Variants in PIN1 observed in about 807,000 individuals in gnomAD.
The protein encoded by PIN1 is peptidylprolyl cis/trans isomerase, NIMA-interacting 1.
In PIN1, 8 loss-of-function variants were observed where a neutral mutation model predicts 19.9. That is an observed-to-expected ratio of 0.40 (90% CI 0.24 to 0.72). The LOEUF is 0.72. Ranked by LOEUF, PIN1 falls within the 30% of genes least tolerant of loss-of-function variation. The probability of loss-of-function intolerance (pLI) is 0.37; values close to 1 mark genes in which losing one functional copy is unlikely to be tolerated. For missense variants in PIN1, 185 were observed against 226.5 expected, an observed-to-expected ratio of 0.82 and a Z score of 1.18; for synonymous variants, 86 against 90.8, an observed-to-expected ratio of 0.95 and a Z score of 0.30.
chr19:9,836,903 A>G, intron 1 of PIN1: 1 of 1,228,186 alleles, frequency 8.1e-7, no homozygotes, highest in Middle Eastern at 3.4e-4. Flanking sequence ...CCATCTATAC[A>G]ATAGAGATAA....
chr19:9,835,685 G>A (rs1016580947), intron 1 of PIN1: 1 of 447,572 alleles, frequency 2.2e-6, no homozygotes. Flanking sequence ...ATACCTCTCG[G>A]CCTAATGCAC....
intron 2 of PIN1, among the ~76,000 whole-genome samples, chr19:9,840,682 A>G (rs1297368807): frequency 6.6e-6 from 1 of 152,092 alleles, no homozygotes; most frequent in Non-Finnish European, 1.5e-5. Context: ...TGCAGCCTCA[A>G]CCTCCTTGGG....
chr19:9,842,205 A>T (rs930091706), intron 2 of PIN1, among the ~76,000 whole-genome samples: 1 of 152,082 alleles, frequency 6.6e-6, no homozygotes, highest in Non-Finnish European at 1.5e-5. Context: ...GAGGGAGCAG[A>T]CCCGAGAGAG....
Position 9,835,350 on chromosome 19 carries a change from G to A in PIN1, c.6G>A (p.Ala2=), listed in dbSNP as rs1458561956. The A allele has an allele frequency of 6.6e-7, 1 of 1,524,386 alleles. No homozygotes were observed. The highest frequency in any genetic ancestry group is 1.2e-5 in the South Asian group (1 of 82,628). The allele number at this position is 1,524,386 out of a possible 1,614,324, so 94.4% of individuals were successfully genotyped here. ...GCGCTGCGGCAGGAGGGAAGATGGC[G>A]GACGAGGAGAAGCTGCCGCCCGGCT... The part of the protein sequence containing the change: M[A]DEEKLPPGWE... The change falls in exon 1 of 4, where the codon GCG becomes GCA. Residue 2 remains alanine (A), a synonymous_variant. Coordinates refer to ENST00000247970, the MANE Select transcript of PIN1 (RefSeq NM_006221.4).
chr19:9,837,871 T>G (rs1349817323), intron 1 of PIN1: 1 of 161,456 alleles, frequency 6.2e-6, no homozygotes, highest in Non-Finnish European at 1.4e-5. Flanking sequence ...TGACCTCAGG[T>G]GATCCACCCC....
chr19:9,837,955 T>A (rs535599507), intron 1 of PIN1: 1 of 194,968 alleles, frequency 5.1e-6, no homozygotes, highest in South Asian at 8.5e-5. Context: ...TGTTTAAAAA[T>A]TATTATTTAG....
At chr19:9,845,248 GTT>G (rs929799599) in intron 2 of PIN1, among the ~76,000 whole-genome samples, 21 of 117,776 alleles carry the variant, frequency 1.8e-4, no homozygotes, top group African/African-American at 1.2e-3. Flanking sequence ...AAGCGTTTTT[GTT>G]TGTTTGTTTG....
chr19:9,841,330 T>A (rs2145412815), intron 2 of PIN1, among the ~76,000 whole-genome samples: 1 of 152,306 alleles, frequency 6.6e-6, no homozygotes, highest in East Asian at 1.9e-4. Context: ...TTCCCCTGTA[T>A]TCCCATCCTG....
chr19:9,841,506 C>T lies in PIN1; in HGVS notation c.271+2858C>T, dbSNP rs565557208. 2.0e-5 allele frequency among the ~76,000 whole-genome samples: 3 copies of T among 152,240 alleles called. No individual in the cohort carries two copies. The South Asian group carries it at 6.2e-4, about 32-fold the overall frequency. ...GCAGGGAGCTAGGGGGTGATGAGAC[C>T]CTTCACGGGCAGGTCCCAGCCAGGT... On this transcript the variant is annotated intron_variant, in intron 2 of 3. Coordinates refer to ENST00000247970, the MANE Select transcript of PIN1 (RefSeq NM_006221.4).
In PIN1 at chr19:9,849,438, G is replaced by A. The variant is rs138973404; in HGVS notation, c.*239G>A. On this transcript the variant is annotated 3_prime_UTR_variant, in exon 4 of 4. Coordinates refer to ENST00000247970, the MANE Select transcript of PIN1 (RefSeq NM_006221.4). ...ATTCTCCCTTAAGGAATTGACTTCA[G>A]CAGGGGTGGGAGGCTCCCAGACCCA... 53 of 737,030 alleles carry A rather than the reference G, an allele frequency of 7.2e-5. No individual in the cohort carries two copies. The highest frequency in any genetic ancestry group is 6.5e-4 in the African/African-American group (38 of 58,678). The allele number at this position is 737,030 out of a possible 1,614,324, so 45.7% of individuals were successfully genotyped here. A position where few individuals can be genotyped will look rare whatever the true frequency, so the allele number is the denominator to read the frequency against.
At chr19:9,837,410 T>A (rs993597753) in intron 1 of PIN1, 3 of 156,734 alleles carry the variant, frequency 1.9e-5, no homozygotes, top group Non-Finnish European at 4.2e-5. Flanking sequence ...TGCCTCAGCC[T>A]CCCAAAGTGC....
intron 1 of PIN1, chr19:9,837,066 C>G: frequency 2.7e-6 from 1 of 371,482 alleles, no homozygotes; most frequent in South Asian, 2.0e-5. Flanking sequence ...CAGGCTTAAG[C>G]AATCCTCCCA....
chr19:9,836,000 C>T (rs193032195), intron 1 of PIN1: 1 of 152,404 alleles, frequency 6.6e-6, no homozygotes, highest in Admixed American at 6.5e-5. Flanking sequence ...ATTGCCGCAA[C>T]TCTGGGAGCC....
chr19:9,841,967 T>G (rs1307764457), intron 2 of PIN1, among the ~76,000 whole-genome samples: 1 of 151,914 alleles, frequency 6.6e-6, no homozygotes, highest in Non-Finnish European at 1.5e-5. Flanking sequence ...GTGGGGATAG[T>G]GAGGAGGGCA....
intron 1 of PIN1, chr19:9,836,531 C>T (rs1200812265): frequency 2.9e-5 from 7 of 242,414 alleles, no homozygotes; most frequent in Non-Finnish European, 5.1e-5. Flanking sequence ...GGGCCCATTT[C>T]TGCTGTTTCT....
At position 9,835,413 on chromosome 19, in the gene PIN1, G is replaced by C; in HGVS notation, c.58+11G>C. On this transcript the variant is annotated intron_variant, in intron 1 of 3. Coordinates refer to ENST00000247970, the MANE Select transcript of PIN1 (RefSeq NM_006221.4). ...TGAGCCGCAGCTCAGGTGCCGCGGG[G>C]GTCGGGGCTGGGGCGGGACTGCGCG... is the stretch of plus-strand genomic sequence containing the variant. 6.7e-7 allele frequency: 1 copy of C among 1,501,000 alleles called. No homozygotes were observed. The highest frequency in any genetic ancestry group is 8.8e-7 in the Non-Finnish European group (1 of 1,130,768). The allele number at this position is 1,501,000 out of a possible 1,614,324, so 93.0% of individuals were successfully genotyped here.
intron 2 of PIN1, among the ~76,000 whole-genome samples, chr19:9,847,720 G>C (rs548598197): frequency 6.6e-6 from 1 of 152,180 alleles, no homozygotes; most frequent in Non-Finnish European, 1.5e-5. Context: ...GTGTGTGCTG[G>C]TGAGAGTGAC....
rs539893715 is a variant in PIN1, at chr19:9,840,170, C to T, written c.271+1522C>T. Among the ~76,000 whole-genome samples the T allele has an allele frequency of 2.9e-4, 44 of 152,236 alleles. No homozygotes were observed. The South Asian group carries it at 8.1e-3, about 28-fold the overall frequency. ...TTGGGAGGCCAAGGTGGGTGGATCA[C>T]GAAGTCAGGAGATCGAGACCATCCT... On this transcript the variant is annotated intron_variant, in intron 2 of 3. Transcript: ENST00000247970.
intron 3 of PIN1, among the ~76,000 whole-genome samples, 160 bp from the exon 4 acceptor site, chr19:9,848,930 C>T (rs1461487459): frequency 1.3e-5 from 2 of 152,176 alleles, no homozygotes; most frequent in East Asian, 1.9e-4. Flanking sequence ...GCTGGGCCGC[C>T]GCTCAGCACT....
Sources: allele counts gnomAD v4.1 joint callset (sites outside exome capture counted in the v4.1 genomes callset), GRCh38; gene constraint gnomAD v4.1.1; transcripts MANE v1.5; gene names NCBI Gene and HGNC (gene_info 2026-07-23, HGNC 2026-07-21).